Variants in EXOC6B observed in about 807,000 individuals in gnomAD.
The protein encoded by EXOC6B is exocyst complex component 6B.
In EXOC6B, 54 loss-of-function variants were observed where a neutral mutation model predicts 113.5. The ratio of observed to expected loss-of-function variants is 0.48; its 90% CI spans 0.38 to 0.60. The LOEUF is 0.60. Among genes scored for constraint, EXOC6B ranks in the 20% least tolerant of loss-of-function variants. EXOC6B has a pLI of 0.00. For missense variants in EXOC6B, 797 were observed against 977.5 expected (o/e 0.82, Z 2.46); for synonymous variants, 357 against 339.0 (o/e 1.05, Z -0.58).
rs1683729779 is a variant in EXOC6B, at chr2:72,776,782, G to A, written c.114-35313C>T. 2.0e-5 allele frequency among the ~76,000 whole-genome samples: 3 copies of A among 151,968 alleles called. No homozygotes were observed. In the South Asian group the frequency reaches 6.2e-4, roughly 32 times the overall value. Reference sequence around the variant, plus strand: ...ATATAACAGTAGTTCCAAAAGGAAAGGAGAGAAAGAGAAAGAAGTTGGAAG... The same window carrying A: ...ATATAACAGTAGTTCCAAAAGGAAAAGAGAGAAAGAGAAAGAAGTTGGAAG... On this transcript the variant is annotated intron_variant, in intron 1 of 21. Coordinates refer to ENST00000272427, the MANE Select transcript of EXOC6B (RefSeq NM_015189.3).
chr2:72,693,243 T>A (rs1487498478), intron 6 of EXOC6B, among the ~76,000 whole-genome samples: 1 of 150,720 alleles, frequency 6.6e-6, no homozygotes, highest in Non-Finnish European at 1.5e-5. Flanking sequence ...TCAGATGGTC[T>A]CACCTGGAAA....
chr2:72,266,358 G>A (rs1304115373), intron 20 of EXOC6B, among the ~76,000 whole-genome samples: 1 of 148,518 alleles, frequency 6.7e-6, no homozygotes, highest in Non-Finnish European at 1.5e-5. Flanking sequence ...GTAATGCCTA[G>A]GTTTTCTTCT....
chr2:72,707,600 G>A (rs977376986), intron 6 of EXOC6B, among the ~76,000 whole-genome samples: 4 of 151,894 alleles, frequency 2.6e-5, no homozygotes, highest in African/African-American at 9.7e-5. Flanking sequence ...TTTTAGTAGA[G>A]ACTGAGTTTC....
At chr2:72,647,903 T>C (rs1673858005) in intron 6 of EXOC6B, among the ~76,000 whole-genome samples, 1 of 152,118 alleles carries the variant, frequency 6.6e-6, no homozygotes, top group African/African-American at 2.4e-5. Context: ...CCAAAAGCAC[T>C]GGCAAGAAAA....
intron 7 of EXOC6B, among the ~76,000 whole-genome samples, chr2:72,573,897 C>T (rs1005414264): frequency 3.3e-5 from 5 of 152,004 alleles, no homozygotes; most frequent in African/African-American, 9.7e-5. Context: ...GGGTGGATCA[C>T]GACGTCGGGT....
chr2:72,474,011 A>G (rs975584817), intron 17 of EXOC6B, among the ~76,000 whole-genome samples: 2 of 151,812 alleles, frequency 1.3e-5, no homozygotes, highest in African/African-American at 4.8e-5. Context: ...TCATTTATGA[A>G]GAATAATTTC....
chr2:72,236,827 CG>C (rs1300318658), intron 20 of EXOC6B, among the ~76,000 whole-genome samples: 2 of 152,042 alleles, frequency 1.3e-5, no homozygotes, highest in Non-Finnish European at 1.5e-5. Flanking sequence ...GTTTCTCCTG[CG>C]CTGTCTCAGG....
At chr2:72,644,717 C>G (rs1447763031) in intron 6 of EXOC6B, among the ~76,000 whole-genome samples, 1 of 152,128 alleles carries the variant, frequency 6.6e-6, no homozygotes, top group African/African-American at 2.4e-5. Flanking sequence ...GAAATAAAAT[C>G]CTTTACAGAC....
At chr2:72,680,107 C>T (rs962728559) in intron 6 of EXOC6B, among the ~76,000 whole-genome samples, 1 of 151,852 alleles carries the variant, frequency 6.6e-6, no homozygotes, top group Non-Finnish European at 1.5e-5. Flanking sequence ...AAGGAGAAAG[C>T]AAATATGGAA....
chr2:72,825,243 G>A lies in EXOC6B; in HGVS notation c.113+555C>T, dbSNP rs1686832006. Among the ~76,000 whole-genome samples the A allele has an allele frequency of 6.6e-6, 1 of 152,180 alleles. No homozygotes were observed. The highest frequency in any genetic ancestry group is 1.5e-5 in the Non-Finnish European group (1 of 68,030). On this transcript the variant is annotated intron_variant, in intron 1 of 21. Coordinates refer to ENST00000272427, the MANE Select transcript of EXOC6B (RefSeq NM_015189.3). This position sits in a 1 kb window ranked among gnomAD's most constrained non-coding sequence, Gnocchi z 4.4. ...GGGCGAGGGTCGTCCTCGTAACAGG[G>A]AGGCAGGGATAAAGGAGCAGCGGCT...
At chr2:72,697,160 T>A (rs1417014813) in intron 6 of EXOC6B, among the ~76,000 whole-genome samples, 1 of 119,498 alleles carries the variant, frequency 8.4e-6, no homozygotes, top group African/African-American at 3.3e-5. Flanking sequence ...ATATGGGGTA[T>A]ACACACACAA....
chr2:72,739,120 C>T (rs1211983774), intron 2 of EXOC6B, among the ~76,000 whole-genome samples: 4 of 152,114 alleles, frequency 2.6e-5, no homozygotes, highest in Non-Finnish European at 5.9e-5. Context: ...ATTATTATTT[C>T]AAATAGATGC....
intron 20 of EXOC6B, among the ~76,000 whole-genome samples, chr2:72,206,208 C>T (rs1196392556): frequency 1.5e-4 from 23 of 152,212 alleles, no homozygotes; most frequent in Admixed American, 1.4e-3. Flanking sequence ...AGCAACTGCT[C>T]AGAATCACAC....
intron 18 of EXOC6B, 115 bp from the exon 19 acceptor site, chr2:72,379,985 CTCA>C (rs1384807362): frequency 1.0e-6 from 1 of 984,902 alleles, no homozygotes; most frequent in East Asian, 2.7e-5. Context: ...TAAGGTTCTC[CTCA>C]TCATAATACC....
intron 6 of EXOC6B, among the ~76,000 whole-genome samples, chr2:72,672,472 G>A (rs776333387): frequency 2.2e-4 from 33 of 149,372 alleles, no homozygotes; most frequent in Non-Finnish European, 4.1e-4. Flanking sequence ...CTACTAACCC[G>A]GGAGGCGGAG....
intron 7 of EXOC6B, among the ~76,000 whole-genome samples, chr2:72,568,025 TACTA>T (rs1704289534): frequency 2.0e-5 from 3 of 152,036 alleles, no homozygotes; most frequent in Admixed American, 1.3e-4. Flanking sequence ...TCTAATGTAT[TACTA>T]ATTACAAAGT....
At chr2:72,736,704 T>C (rs1252780419) in intron 2 of EXOC6B, among the ~76,000 whole-genome samples, 2 of 152,136 alleles carry the variant, frequency 1.3e-5, no homozygotes, top group Admixed American at 1.3e-4. Flanking sequence ...TTATGAGCTA[T>C]ATTCAGTACT....
chr2:72,176,866 T>G lies in EXOC6B; in HGVS notation c.*2469A>C, dbSNP rs1002024405. The G allele has an allele frequency of 4.6e-5, 7 of 152,212 alleles. No individual in the cohort carries two copies. Among genetic ancestry groups the G allele is most frequent in the Non-Finnish European group, 1.0e-4 (7 of 68,064 alleles). 9.4% of individuals were successfully genotyped at this position (152,212 alleles called of 1,614,324 possible). A position where few individuals can be genotyped will look rare whatever the true frequency, so the allele number is the denominator to read the frequency against. ...ACGGTACTTCTACATCTCTAGGTAT[T>G]TGAGGCCATATCTGAGGAGTCTGAT... On this transcript the variant is annotated 3_prime_UTR_variant, in exon 22 of 22. Coordinates refer to ENST00000272427, the MANE Select transcript of EXOC6B (RefSeq NM_015189.3).
intron 20 of EXOC6B, among the ~76,000 whole-genome samples, chr2:72,245,165 C>T (rs1682571409): frequency 6.6e-6 from 1 of 152,002 alleles, no homozygotes; most frequent in Admixed American, 6.5e-5. Flanking sequence ...GGCAAAAGAC[C>T]CATTATAGCC....
Sources: gnomAD v4.1 joint callset for allele counts (sites outside exome capture counted in the v4.1 genomes callset) on GRCh38, gnomAD v4.1.1 for gene constraint, Gnocchi (gnomAD v3.1) non-coding constraint, MANE v1.5 for transcripts, NCBI Gene and HGNC (gene_info 2026-07-23, HGNC 2026-07-21) for gene names.